COPA: variants seen among roughly 807,000 people sequenced by gnomAD.
COPA encodes the protein coatomer subunit alpha.
In COPA, 10 loss-of-function variants were observed where a neutral mutation model predicts 158.7. That is an observed-to-expected ratio of 0.06 (90% CI 0.04 to 0.11). The LOEUF is 0.11. COPA is among the 10% of genes least tolerant of loss of function. COPA has a pLI of 1.00. For missense variants in COPA, 1,065 were observed against 1,536.7 expected (o/e 0.69, Z 5.13); for synonymous variants, 462 against 542.8 (o/e 0.85, Z 2.07).
In COPA at chr1:160,306,594, C is replaced by G. The variant is rs1216527882; in HGVS notation, c.1303-101G>C. 5 of 1,470,986 alleles carry G rather than the reference C, an allele frequency of 3.4e-6. No individual in the cohort carries two copies. In the Admixed American group the frequency reaches 8.5e-5, roughly 25 times the overall value. The allele number at this position is 1,470,986 out of a possible 1,614,324, so 91.1% of individuals were successfully genotyped here. A position where few individuals can be genotyped will look rare whatever the true frequency, so the allele number is the denominator to read the frequency against. On this transcript the variant is annotated intron_variant, in intron 14 of 32. Transcript: ENST00000241704. ...GCAATTGTTCCTTAGCTTCAATTAA[C>G]TAAGTATTTTTTGTCCTGTCCATGT...
chr1:160,298,074 G>A (rs1045804213), intron 19 of COPA, among the ~76,000 whole-genome samples: 8 of 151,946 alleles, frequency 5.3e-5, no homozygotes, highest in Non-Finnish European at 4.4e-5. Flanking sequence ...CCACCTACTC[G>A]GGAAGCTGAG....
At chr1:160,311,432 C>T (rs1255168684) in intron 11 of COPA, among the ~76,000 whole-genome samples, 2 of 142,012 alleles carry the variant, frequency 1.4e-5, no homozygotes, top group Non-Finnish European at 3.0e-5. Flanking sequence ...AGTGAGACTC[C>T]ATCTCAAAAA....
At chr1:160,340,570 CA>C (rs774953109) in intron 1 of COPA, among the ~76,000 whole-genome samples, 1 of 152,216 alleles carries the variant, frequency 6.6e-6, no homozygotes, top group South Asian at 2.1e-4. Context: ...GGTTTTATTA[CA>C]GAGGGGCTAC....
Position 160,294,877 on chromosome 1 carries a change from AAC to A in COPA, c.2477-22_2477-21del. On this transcript the variant is annotated intron_variant, in intron 23 of 32. Transcript: ENST00000241704. ...CCTTCCCTACAGAGGGAAGGAACAG[AAC>A]GGAACTGGTTATAGTCCAGCAAGTC... is the stretch of plus-strand genomic sequence containing the variant. 1 of 1,608,758 alleles carries A rather than the reference AAC, an allele frequency of 6.2e-7. No homozygotes were observed. Among genetic ancestry groups the A allele is most frequent in the Non-Finnish European group, 8.5e-7 (1 of 1,175,182 alleles).
At chr1:160,340,040 G>A in intron 2 of COPA, 58 bp from the exon 3 acceptor site, 1 of 1,583,116 alleles carries the variant, frequency 6.3e-7, no homozygotes, top group Non-Finnish European at 8.7e-7. Context: ...AATCTCTAAG[G>A]TGATTCCTAT....
chr1:160,315,114 G>GA (rs1659090415), intron 8 of COPA, among the ~76,000 whole-genome samples: 2 of 152,038 alleles, frequency 1.3e-5, no homozygotes, highest in Admixed American at 1.3e-4. Flanking sequence ...ACAGAGAGAT[G>GA]AAAAAACTCT....
chr1:160,314,146 G>C, intron 8 of COPA, 21 bp from the exon 9 acceptor site: 1 of 1,604,634 alleles, frequency 6.2e-7, no homozygotes. Flanking sequence ...AAAAGAATTA[G>C]GTCATCACAA....
intron 23 of COPA, among the ~76,000 whole-genome samples, chr1:160,295,254 C>T (rs888843067): frequency 6.6e-6 from 1 of 152,124 alleles, no homozygotes; most frequent in Non-Finnish European, 1.5e-5. Context: ...GCACAAAATG[C>T]TCAAGAGTCT....
At position 160,293,181 on chromosome 1, in the gene COPA, G is replaced by A. The variant is rs760354732; in HGVS notation, c.2808C>T (p.Phe936=). The A allele has an allele frequency of 1.4e-5, 23 of 1,614,024 alleles. No homozygotes were observed. The highest frequency in any genetic ancestry group is 4.0e-5 in the African/African-American group (3 of 74,902). ...GGTTACTTACCCGCATGGCTGTTTC[G>A]AAAGAGCCTGCCAGGATGTGATCAA... The part of the protein sequence containing the change: ...LPVDHILAGS[F]ETAMRLLHDQ... The change falls in exon 27 of 33, where the codon TTC becomes TTT. Residue 936 remains phenylalanine (F), a synonymous_variant. Transcript: ENST00000241704.
At chr1:160,335,944 T>C (rs1245440888) in intron 3 of COPA, among the ~76,000 whole-genome samples, 2 of 149,168 alleles carry the variant, frequency 1.3e-5, no homozygotes, top group East Asian at 2.0e-4. Flanking sequence ...CTGCATTTAA[T>C]AGCAGGAGAT....
At chr1:160,302,577 T>C (rs1658647084) in intron 17 of COPA, among the ~76,000 whole-genome samples, 1 of 132,710 alleles carries the variant, frequency 7.5e-6, no homozygotes, top group African/African-American at 2.9e-5. Flanking sequence ...TTTTTTGAGA[T>C]GGAGTCTCAC....
intron 4 of COPA, 61 bp from the exon 5 acceptor site, chr1:160,333,740 G>A: frequency 2.2e-6 from 3 of 1,363,704 alleles, no homozygotes; most frequent in East Asian, 2.3e-5. Flanking sequence ...TCAGGTTCTT[G>A]TAATCATTTT....
At chr1:160,337,457 C>T (rs148613867) in intron 3 of COPA, among the ~76,000 whole-genome samples, 1,847 of 152,284 alleles carry the variant, frequency 0.012, 43 homozygotes, top group African/African-American at 0.041. Flanking sequence ...CGGTGGCTCA[C>T]GCCTGTAATC....
At chr1:160,333,797 G>A in intron 4 of COPA, 118 bp from the exon 5 acceptor site, 1 of 673,428 alleles carries the variant, frequency 1.5e-6, no homozygotes, top group Non-Finnish European at 2.4e-6. Flanking sequence ...ATTAGCAAAG[G>A]GGCTGCTGCT....
intron 14 of COPA, 128 bp from the exon 15 acceptor site, chr1:160,306,621 A>T: frequency 8.6e-7 from 1 of 1,156,718 alleles, no homozygotes; most frequent in South Asian, 1.3e-5. Context: ...TGTCCATGTC[A>T]ATTACCACTG....
chr1:160,308,934 A>C, intron 13 of COPA, 167 bp downstream of exon 13: 1 of 575,888 alleles, frequency 1.7e-6, no homozygotes, highest in Admixed American at 3.2e-5. Context: ...AGGAACATGA[A>C]TATTTCACAC....
Position 160,297,662 on chromosome 1 carries a change from G to T in COPA, c.2061C>A (p.His687Gln). Residue 687 changes from histidine (H) to glutamine (Q), a missense_variant, in exon 20 of 33, where the codon CAC (histidine) becomes CAA (glutamine). By Grantham distance (24) the His-to-Gln change is conservative. Coordinates refer to ENST00000241704, the MANE Select transcript of COPA (RefSeq NM_004371.4). Reference sequence around the variant, plus strand: ...GCTGATAGCACATTTCCACAATCTGGTGGTTCCCCTGCAGCAGGGCCACTT... The same window carrying T: ...GCTGATAGCACATTTCCACAATCTGTTGGTTCCCCTGCAGCAGGGCCACTT... ...LGEVALLQGN[H>Q]QIVEMCYQRT... 1 of 1,614,106 alleles carries T rather than the reference G, an allele frequency of 6.2e-7. No homozygotes were observed. The highest frequency in any genetic ancestry group is 1.6e-4 in the Middle Eastern group (1 of 6,062).
rs1010884849 is a variant in COPA at position 160,303,863 on chromosome 1, GA to G, written c.1667+1569del. On this transcript the variant is annotated intron_variant, in intron 17 of 32. Coordinates refer to ENST00000241704, the MANE Select transcript of COPA (RefSeq NM_004371.4). ...GATTTGAACAGAATTCACATAAGAG[GA>G]AATCCTACTGGATGGCCAGATGAAA... 3.9e-3 allele frequency among the ~76,000 whole-genome samples: 599 copies of G among 152,150 alleles called. 5 individuals carry two copies. The highest frequency in any genetic ancestry group is 0.014 in the African/African-American group (564 of 41,500).
At chr1:160,327,252 A>G (rs1464866605) in intron 6 of COPA, among the ~76,000 whole-genome samples, 1 of 152,212 alleles carries the variant, frequency 6.6e-6, no homozygotes, top group African/African-American at 2.4e-5. Flanking sequence ...AATAAAACCT[A>G]AAGGCTGGGC....
Sources: gnomAD v4.1 joint callset for allele counts (sites outside exome capture counted in the v4.1 genomes callset) on GRCh38, gnomAD v4.1.1 for gene constraint, MANE v1.5 for transcripts, NCBI Gene and HGNC (gene_info 2026-07-23, HGNC 2026-07-21) for gene names.